DOCK2: variants seen among roughly 807,000 people sequenced by gnomAD.
DOCK2 encodes dedicator of cytokinesis protein 2.
DOCK2 carries 87 observed loss-of-function variants against 248.9 expected under a neutral mutation model. The observed-to-expected ratio is 0.35, with a 90% CI of 0.29 to 0.42. DOCK2 has a LOEUF of 0.42. Among genes scored for constraint, DOCK2 ranks in the 10% least tolerant of loss-of-function variants. The probability of loss-of-function intolerance (pLI) is 1.00; values close to 1 mark genes in which losing one functional copy is unlikely to be tolerated. For missense variants in DOCK2, 1,747 were observed against 2,300.2 expected (o/e 0.76, Z 4.92); for synonymous variants, 805 against 821.6 (o/e 0.98, Z 0.35).
At chr5:169,767,154 AT>A (rs1185512417) in intron 25 of DOCK2, among the ~76,000 whole-genome samples, 1 of 152,126 alleles carries the variant, frequency 6.6e-6, no homozygotes, top group Non-Finnish European at 1.5e-5. Flanking sequence ...GATGCTGAGC[AT>A]TTTTTCATAT....
intron 27 of DOCK2, among the ~76,000 whole-genome samples, chr5:169,926,440 G>A (rs1775460843): frequency 6.6e-6 from 1 of 152,164 alleles, no homozygotes; most frequent in African/African-American, 2.4e-5. Flanking sequence ...CTGATCACAT[G>A]AGCCTCGGAT....
At chr5:169,864,419 C>T (rs1483793400) in intron 27 of DOCK2, 18 of 1,549,816 alleles carry the variant, frequency 1.2e-5, no homozygotes, top group Non-Finnish European at 1.6e-5. Flanking sequence ...TGCAAAACTT[C>T]ATGGAACCTG....
chr5:169,669,376 T>C (rs755912337), intron 3 of DOCK2, 48 bp downstream of exon 3: 41 of 1,603,116 alleles, frequency 2.6e-5, no homozygotes, highest in Middle Eastern at 1.7e-4. Flanking sequence ...GGTCTTCATA[T>C]GGCCCCGCTA....
At chr5:169,888,736 G>T (rs868743840) in intron 27 of DOCK2, among the ~76,000 whole-genome samples, 5 of 152,200 alleles carry the variant, frequency 3.3e-5, no homozygotes, top group Non-Finnish European at 7.3e-5. Context: ...CGCCTAAACT[G>T]GTTGTGAGAA....
At chr5:169,871,667 A>G (rs898917480) in intron 27 of DOCK2, among the ~76,000 whole-genome samples, 1 of 152,224 alleles carries the variant, frequency 6.6e-6, no homozygotes, top group Admixed American at 6.5e-5. Flanking sequence ...AGTAATCTGC[A>G]TCTGTATGAA....
intron 29 of DOCK2, among the ~76,000 whole-genome samples, chr5:169,988,086 A>T (rs1036354153): frequency 6.6e-6 from 1 of 152,208 alleles, no homozygotes; most frequent in African/African-American, 2.4e-5. Flanking sequence ...GGTGATGACA[A>T]CAAACTTAGC....
At chr5:170,027,772 T>C in intron 33 of DOCK2, 91 bp from the exon 34 acceptor site, 4 of 1,182,410 alleles carry the variant, frequency 3.4e-6, no homozygotes, top group Non-Finnish European at 3.6e-6. Context: ...TAAAGAGTGC[T>C]CCCTAAAGCT....
At chr5:170,074,309 G>T in intron 46 of DOCK2, among the ~76,000 whole-genome samples, 2 of 150,770 alleles carry the variant, frequency 1.3e-5, no homozygotes, top group African/African-American at 2.4e-5. Context: ...TTCCTTATTT[G>T]CTTTCTTCCC....
chr5:169,915,937 TAAG>T (rs1203018807), intron 27 of DOCK2, among the ~76,000 whole-genome samples: 1 of 152,194 alleles, frequency 6.6e-6, no homozygotes, highest in Non-Finnish European at 1.5e-5. Flanking sequence ...ATCCTACTCT[TAAG>T]AAACGTTATG....
chr5:169,840,533 C>A (rs1211267797), intron 26 of DOCK2, among the ~76,000 whole-genome samples: 2 of 151,952 alleles, frequency 1.3e-5, no homozygotes, highest in East Asian at 3.9e-4. Flanking sequence ...TTTCAGGTGA[C>A]TAGTGGAATT....
chr5:169,863,694 G>A (rs1383528060), intron 27 of DOCK2, among the ~76,000 whole-genome samples: 1 of 152,186 alleles, frequency 6.6e-6, no homozygotes, highest in Admixed American at 6.5e-5. Context: ...GGATCAAGGG[G>A]CTAATTAAAA....
At chr5:169,996,306 G>A (rs1163509937) in intron 30 of DOCK2, 142 bp downstream of exon 30, 9 of 792,212 alleles carry the variant, frequency 1.1e-5, no homozygotes, top group South Asian at 2.0e-5. Flanking sequence ...GGTTATGGCT[G>A]GGGAGAAAAT....
intron 1 of DOCK2, among the ~76,000 whole-genome samples, chr5:169,642,923 T>C (rs533876017): frequency 6.6e-6 from 1 of 152,302 alleles, no homozygotes; most frequent in African/African-American, 2.4e-5. Context: ...ACTGCTCCGC[T>C]AATTTCTGGA....
intron 27 of DOCK2, among the ~76,000 whole-genome samples, chr5:169,971,446 T>C (rs1483714027): frequency 2.4e-5 from 3 of 125,816 alleles, no homozygotes; most frequent in African/African-American, 1.0e-4. Context: ...TTTTTTTTTT[T>C]CATGAAAGAC....
Position 170,042,132 on chromosome 5 carries a change from G to T in DOCK2, c.3876G>T (p.Lys1292Asn). Residue 1292 changes from lysine (K) to asparagine (N), a missense_variant and splice_region_variant, in exon 38 of 52, where the codon AAG (lysine) becomes AAT (asparagine). Lys to Asn is a moderately conservative substitution (Grantham distance 94, BLOSUM62 0). This residue lies in a region of DOCK2 where 858 missense variants were observed against 1,183.5 expected (regional missense o/e 0.72). Transcript: ENST00000520908. Reference sequence around the variant, plus strand: ...TCATAGGCTACTTTGACAAAGGAAAGGTAATCTGTCCCTGCCCACCCCCCG... The same window carrying T: ...TCATAGGCTACTTTGACAAAGGAAATGTAATCTGTCCCTGCCCACCCCCCG... ...ETIIGYFDKGKMWEEAISLCK... is the reference protein window; with the variant it reads ...ETIIGYFDKGNMWEEAISLCK... 1 of 1,609,562 alleles carries T rather than the reference G, an allele frequency of 6.2e-7. No homozygotes were observed. The highest frequency in any genetic ancestry group is 2.2e-5 in the East Asian group (1 of 44,630).
intron 46 of DOCK2, 143 bp from the exon 47 acceptor site, chr5:170,075,804 C>A: frequency 9.6e-7 from 1 of 1,046,922 alleles, no homozygotes; most frequent in Non-Finnish European, 1.4e-6. Context: ...GGCTGGGGAC[C>A]GTGTGTGCAG....
At chr5:169,851,044 G>C (rs1770596692) in intron 27 of DOCK2, among the ~76,000 whole-genome samples, 1 of 152,208 alleles carries the variant, frequency 6.6e-6, no homozygotes, top group Admixed American at 6.5e-5. Flanking sequence ...GTGCTCCACA[G>C]TAAAGTGAGA....
intron 27 of DOCK2, among the ~76,000 whole-genome samples, chr5:169,962,500 A>G (rs1363102999): frequency 6.6e-6 from 1 of 152,154 alleles, no homozygotes; most frequent in Non-Finnish European, 1.5e-5. Flanking sequence ...GAGCATCTTG[A>G]GTTTGAGATG....
chr5:169,963,797 C>A lies in DOCK2; in HGVS notation c.2800-19271C>A, dbSNP rs144274170. Among the ~76,000 whole-genome samples the A allele has an allele frequency of 5.7e-3, 862 of 152,266 alleles. 10 individuals are homozygous for A. Among genetic ancestry groups the A allele is most frequent in the African/African-American group, 0.02 (812 of 41,552 alleles). ...CTACAGATGCTCTCTAAGGCCCTGG[C>A]TCTTATCCTTGAGCACCCAGCAGAG... On this transcript the variant is annotated intron_variant, in intron 27 of 51. Coordinates refer to ENST00000520908, the MANE Select transcript of DOCK2 (RefSeq NM_004946.3).
Sources: gnomAD v4.1 joint callset for allele counts (sites outside exome capture counted in the v4.1 genomes callset) on GRCh38, gnomAD v4.1.1 for gene constraint, gnomAD v4.1.1 regional missense constraint, MANE v1.5 for transcripts, NCBI Gene and HGNC (gene_info 2026-07-23, HGNC 2026-07-21) for gene names.